PARD3B: variants seen among roughly 807,000 people sequenced by gnomAD.
PARD3B encodes the protein partitioning defective 3 homolog B.
Under a neutral mutation model 130.2 loss-of-function variants are expected in PARD3B, and 103 were observed. The observed-to-expected ratio is 0.79, with a 90% CI of 0.67 to 0.93. PARD3B has a LOEUF of 0.93. Ranked by LOEUF, PARD3B falls within the 40% of genes least tolerant of loss-of-function variation. The pLI, the probability that PARD3B is intolerant of heterozygous loss-of-function variation, is 0.00. For missense variants in PARD3B, 1,609 were observed against 1,499.2 expected, an observed-to-expected ratio of 1.07 and a Z score of -1.21; for synonymous variants, 583 against 553.2, an observed-to-expected ratio of 1.05 and a Z score of -0.76.
In PARD3B at chr2:205,176,623, A is replaced by T. The variant is rs1282536678; in HGVS notation, c.1924+46A>T. 8.0e-6 allele frequency: 12 copies of T among 1,497,584 alleles called. No homozygotes were observed. The highest frequency in any genetic ancestry group is 4.9e-5 in the Admixed American group (2 of 40,902). 92.8% of individuals were successfully genotyped at this position (1,497,584 alleles called of 1,614,324 possible). The stretch of plus-strand genomic sequence containing the variant: ...TCCACTGCAAATGGAGTGAGAAAAC[A>T]CAAAAGTGTCTTTTTATCTAAAAAA... On this transcript the variant is annotated intron_variant, in intron 13 of 22. Coordinates refer to ENST00000406610, the MANE Select transcript of PARD3B (RefSeq NM_001302769.2). This position sits in a 1 kb window ranked among gnomAD's most constrained non-coding sequence, Gnocchi z 5.3.
At chr2:205,201,431 A>G (rs534309813) in intron 15 of PARD3B, among the ~76,000 whole-genome samples, 4 of 152,342 alleles carry the variant, frequency 2.6e-5, no homozygotes, top group South Asian at 2.1e-4. Flanking sequence ...AAAGAGAAGC[A>G]GAACTCACCA....
chr2:205,515,014 C>G (rs945247890), intron 21 of PARD3B, among the ~76,000 whole-genome samples: 2 of 152,000 alleles, frequency 1.3e-5, no homozygotes, highest in Non-Finnish European at 2.9e-5. Context: ...AAATAGACCC[C>G]AGTGTCTGTT....
chr2:205,169,320 C>G (rs1022452657), intron 11 of PARD3B, among the ~76,000 whole-genome samples: 2 of 152,122 alleles, frequency 1.3e-5, no homozygotes, highest in East Asian at 1.9e-4. Flanking sequence ...CTGAGGTGAC[C>G]TGAACTGTCT....
At chr2:205,428,843 G>A (rs1247486360) in intron 19 of PARD3B, among the ~76,000 whole-genome samples, 1 of 152,064 alleles carries the variant, frequency 6.6e-6, no homozygotes, top group East Asian at 1.9e-4. Flanking sequence ...AGAAAAGGCT[G>A]AGAAATAATA....
chr2:204,833,308 A>G (rs1250832336), intron 2 of PARD3B, among the ~76,000 whole-genome samples: 1 of 152,188 alleles, frequency 6.6e-6, no homozygotes, highest in Non-Finnish European at 1.5e-5. Flanking sequence ...ACCATTGAAA[A>G]AAAGGTAAAG....
At position 204,914,894 on chromosome 2, in the gene PARD3B, G is replaced by A. The variant is rs73053150; in HGVS notation, c.223-50258G>A. On this transcript the variant is annotated intron_variant, in intron 2 of 22. Coordinates refer to ENST00000406610, the MANE Select transcript of PARD3B (RefSeq NM_001302769.2). ...CAGATCCCCAGCTGCCCAGATGCTC[G>A]TGGCCCTGCCCACAGCCAAGGAGGT... Among the ~76,000 whole-genome samples, 919 of 152,222 alleles carry A rather than the reference G, an allele frequency of 6.0e-3. 4 individuals carry two copies. The highest frequency in any genetic ancestry group is 0.021 in the African/African-American group (861 of 41,520).
At chr2:205,430,750 TAAAAAGC>T (rs999769494) in intron 19 of PARD3B, among the ~76,000 whole-genome samples, 4 of 151,666 alleles carry the variant, frequency 2.6e-5, no homozygotes, top group Admixed American at 6.6e-5. Context: ...ATGGAAAAAA[TAAAAAGC>T]AAAAAGGAAA....
chr2:205,438,814 G>A (rs900138286), intron 19 of PARD3B, among the ~76,000 whole-genome samples: 6 of 152,152 alleles, frequency 3.9e-5, no homozygotes, highest in African/African-American at 1.4e-4. Flanking sequence ...TTACTTCTGT[G>A]TAGGGCACAG....
At chr2:205,046,296 A>G (rs1186721285) in intron 3 of PARD3B, among the ~76,000 whole-genome samples, 1 of 151,754 alleles carries the variant, frequency 6.6e-6, no homozygotes, top group East Asian at 1.9e-4. Flanking sequence ...ACAATTGCCA[A>G]CCGTACAATT....
intron 3 of PARD3B, among the ~76,000 whole-genome samples, chr2:205,012,060 C>G (rs1025231198): frequency 6.6e-6 from 1 of 152,118 alleles, no homozygotes; most frequent in Non-Finnish European, 1.5e-5. Flanking sequence ...AATTCCTGAG[C>G]TTTCCTGGGT....
At chr2:205,410,810 G>T (rs849265) in intron 19 of PARD3B, among the ~76,000 whole-genome samples, 146,233 of 152,220 alleles carry the variant, frequency 0.96, 70,465 homozygotes, top group East Asian at 1. Flanking sequence ...CAGGCCAAGT[G>T]TAGTTAATGT....
At chr2:204,749,741 A>G (rs2040387096) in intron 2 of PARD3B, among the ~76,000 whole-genome samples, 1 of 152,168 alleles carries the variant, frequency 6.6e-6, no homozygotes, top group South Asian at 2.1e-4. Flanking sequence ...GGGCTTGCGA[A>G]GATTCTAATA....
At chr2:204,642,261 A>G (rs1459549684) in intron 1 of PARD3B, among the ~76,000 whole-genome samples, 6 of 152,212 alleles carry the variant, frequency 3.9e-5, no homozygotes, top group Admixed American at 2.6e-4. Context: ...CACAGACTGA[A>G]GCCATTGGGC....
chr2:204,637,048 T>TCC (rs1434809861), intron 1 of PARD3B, among the ~76,000 whole-genome samples: 1 of 152,180 alleles, frequency 6.6e-6, no homozygotes, highest in Admixed American at 6.6e-5. Flanking sequence ...AAACACTTAA[T>TCC]CCCTTTATTC....
At position 205,615,314 on chromosome 2, in the gene PARD3B, G is replaced by A. The variant is rs142467160; in HGVS notation, c.3261-142G>A. 8.0e-4 allele frequency: 495 copies of A among 619,624 alleles called. 4 individuals are homozygous for A. Among genetic ancestry groups the A allele is most frequent in the African/African-American group, 7.6e-3 (414 of 54,702 alleles). The allele number at this position is 619,624 out of a possible 1,614,324, so 38.4% of individuals were successfully genotyped here. A position where few individuals can be genotyped will look rare whatever the true frequency, so the allele number is the denominator to read the frequency against. ...AAGTTCCCTTCTCTTCTTTTTAAGG[G>A]CACGTATCACTTCTGCTCCCATCCC... On this transcript the variant is annotated intron_variant, in intron 22 of 22. Coordinates refer to ENST00000406610, the MANE Select transcript of PARD3B (RefSeq NM_001302769.2).
At chr2:205,486,914 A>G (rs1043183606) in intron 20 of PARD3B, among the ~76,000 whole-genome samples, 1 of 152,216 alleles carries the variant, frequency 6.6e-6, no homozygotes, top group Non-Finnish European at 1.5e-5. Flanking sequence ...TCAGAGTAGC[A>G]TATGGACGTA....
At chr2:205,417,402 G>T (rs1031435191) in intron 19 of PARD3B, among the ~76,000 whole-genome samples, 3 of 152,122 alleles carry the variant, frequency 2.0e-5, no homozygotes, top group Non-Finnish European at 4.4e-5. Flanking sequence ...GTGCACATGT[G>T]TCTTTATAGC....
chr2:205,478,097 C>T lies in PARD3B; in HGVS notation c.3045-21799C>T, dbSNP rs549168721. 6.6e-5 allele frequency among the ~76,000 whole-genome samples: 10 copies of T among 152,332 alleles called. No homozygotes were observed. The South Asian group carries it at 8.3e-4, about 13-fold the overall frequency. ...TCCTCATGATCTGTAGCTTTCCCTC[C>T]TGGCATTACCTCTTGTCCACAAAGT... On this transcript the variant is annotated intron_variant, in intron 20 of 22. Coordinates refer to ENST00000406610, the MANE Select transcript of PARD3B (RefSeq NM_001302769.2).
chr2:204,992,218 G>A (rs1489052303), intron 3 of PARD3B, among the ~76,000 whole-genome samples: 574 of 143,524 alleles, frequency 4.0e-3, no homozygotes, highest in African/African-American at 0.014. Context: ...TAGGTCTAAC[G>A]TTTAAATCTT....
Sources: gnomAD v4.1 joint callset for allele counts (sites outside exome capture counted in the v4.1 genomes callset) on GRCh38, gnomAD v4.1.1 for gene constraint, Gnocchi (gnomAD v3.1) non-coding constraint, MANE v1.5 for transcripts, NCBI Gene and HGNC (gene_info 2026-07-23, HGNC 2026-07-21) for gene names.